FTO: variants seen among roughly 807,000 people sequenced by gnomAD.
FTO encodes the protein alpha-ketoglutarate-dependent dioxygenase FTO.
Under a neutral mutation model 63.9 loss-of-function variants are expected in FTO, and 47 were observed. That is an observed-to-expected ratio of 0.74 (90% CI 0.58 to 0.94). FTO has a LOEUF of 0.94. Among genes scored for constraint, FTO ranks in the 40% least tolerant of loss-of-function variants. The pLI is 0.00. For missense variants in FTO, 562 were observed against 618.1 expected (o/e 0.91, Z 0.96); for synonymous variants, 207 against 224.4 (o/e 0.92, Z 0.69).
chr16:54,054,329 C>T (rs911716486), intron 8 of FTO, among the ~76,000 whole-genome samples: 3 of 152,066 alleles, frequency 2.0e-5, no homozygotes, highest in Admixed American at 6.5e-5. Context: ...ACTGTAGAAA[C>T]GGGGTGGTGC....
intron 1 of FTO, among the ~76,000 whole-genome samples, chr16:53,796,695 G>A (rs1188389948): frequency 6.6e-6 from 1 of 152,174 alleles, no homozygotes; most frequent in Admixed American, 6.5e-5. Flanking sequence ...GAATGATAAT[G>A]AAAAGTCCAT....
At chr16:53,736,127 C>T (rs1032664348) in intron 1 of FTO, among the ~76,000 whole-genome samples, 1 of 152,166 alleles carries the variant, frequency 6.6e-6, no homozygotes, top group Non-Finnish European at 1.5e-5. Flanking sequence ...TCAAACTGCT[C>T]CAGCTAGCAG....
chr16:53,959,971 A>G (rs2083031985), intron 8 of FTO, among the ~76,000 whole-genome samples: 1 of 152,150 alleles, frequency 6.6e-6, no homozygotes, highest in African/African-American at 2.4e-5. Context: ...GCAAGAAGTG[A>G]TGAACCGTAA....
chr16:53,725,865 C>T (rs1165937020), intron 1 of FTO, among the ~76,000 whole-genome samples: 1 of 152,170 alleles, frequency 6.6e-6, no homozygotes, highest in Non-Finnish European at 1.5e-5. Flanking sequence ...CCACTTAAGG[C>T]TCTGTTTCTT....
At chr16:54,057,222 A>G (rs140299973) in intron 8 of FTO, among the ~76,000 whole-genome samples, 1 of 152,358 alleles carries the variant, frequency 6.6e-6, no homozygotes, top group African/African-American at 2.4e-5. Flanking sequence ...TTAGCTGTAG[A>G]CAGTTCCAGC....
intron 8 of FTO, among the ~76,000 whole-genome samples, chr16:54,068,298 C>T (rs2085780419): frequency 6.6e-6 from 1 of 151,746 alleles, no homozygotes; most frequent in African/African-American, 2.4e-5. Flanking sequence ...TAGTGCATTT[C>T]CAGATCTCAA....
At chr16:54,009,572 C>T (rs76172857) in intron 8 of FTO, among the ~76,000 whole-genome samples, 2,108 of 152,126 alleles carry the variant, frequency 0.014, 41 homozygotes, top group African/African-American at 0.048. Flanking sequence ...TTGGGTTTTT[C>T]CAGAGATCAG....
At chr16:53,737,650 C>T (rs966762954) in intron 1 of FTO, among the ~76,000 whole-genome samples, 9 of 152,164 alleles carry the variant, frequency 5.9e-5, no homozygotes, top group African/African-American at 1.9e-4. Flanking sequence ...AAGAAGGATG[C>T]TCCTTGTCAC....
intron 1 of FTO, among the ~76,000 whole-genome samples, chr16:53,704,778 A>G (rs1380580562): frequency 6.6e-6 from 1 of 152,238 alleles, no homozygotes; most frequent in Admixed American, 6.5e-5. Flanking sequence ...AATAATGGCA[A>G]CAGAGATTTT....
intron 1 of FTO, among the ~76,000 whole-genome samples, chr16:53,742,722 A>G (rs1743554347): frequency 6.6e-6 from 1 of 152,224 alleles, no homozygotes; most frequent in Non-Finnish European, 1.5e-5. Context: ...TACATGCAGT[A>G]TCTGAGTTAA....
intron 4 of FTO, among the ~76,000 whole-genome samples, chr16:53,849,933 T>C (rs2079739977): frequency 1.3e-5 from 2 of 152,334 alleles, no homozygotes; most frequent in South Asian, 4.1e-4. Flanking sequence ...GAAAAAGCTT[T>C]TGTTATTTCT....
chr16:53,979,830 C>A (rs1212511145), intron 8 of FTO, among the ~76,000 whole-genome samples: 1 of 152,142 alleles, frequency 6.6e-6, no homozygotes, highest in Non-Finnish European at 1.5e-5. Flanking sequence ...GTCTCCTGGC[C>A]AGCTCTTATG....
intron 7 of FTO, among the ~76,000 whole-genome samples, chr16:53,917,709 A>ACT (rs1555493310): frequency 1.4e-5 from 2 of 143,018 alleles, no homozygotes; most frequent in Non-Finnish European, 3.1e-5. Context: ...AAATTGAGTG[A>ACT]GTGTGTGTGT....
intron 7 of FTO, among the ~76,000 whole-genome samples, chr16:53,927,147 G>A (rs540784034): frequency 6.6e-6 from 1 of 152,302 alleles, no homozygotes; most frequent in African/African-American, 2.4e-5. Flanking sequence ...AGACAGATCA[G>A]TTTGGAGGCC....
At chr16:53,893,825 G>C (rs547479284) in intron 7 of FTO, among the ~76,000 whole-genome samples, 4 of 152,156 alleles carry the variant, frequency 2.6e-5, no homozygotes, top group African/African-American at 4.8e-5. Flanking sequence ...GATCCTGATG[G>C]TTTTGAATGT....
intron 8 of FTO, among the ~76,000 whole-genome samples, chr16:54,058,835 A>T (rs1038240395): frequency 3.9e-5 from 6 of 152,190 alleles, no homozygotes; most frequent in African/African-American, 7.2e-5. Flanking sequence ...AATAAATAAA[A>T]AATCTGCCTT....
chr16:53,875,076 G>C (rs1360532296), intron 5 of FTO, among the ~76,000 whole-genome samples: 3 of 151,844 alleles, frequency 2.0e-5, no homozygotes, highest in Non-Finnish European at 4.4e-5. Flanking sequence ...AACAGAGGAA[G>C]AAAAGAAGGG....
chr16:53,971,749 T>C (rs972028596), intron 8 of FTO, among the ~76,000 whole-genome samples: 3 of 152,246 alleles, frequency 2.0e-5, no homozygotes, highest in Admixed American at 6.5e-5. Context: ...GGCCAGGGCC[T>C]AAGCAGGATC....
chr16:54,109,868 TATC>T (rs2086839749), intron 8 of FTO, among the ~76,000 whole-genome samples: 1 of 152,190 alleles, frequency 6.6e-6, no homozygotes, highest in Non-Finnish European at 1.5e-5. Flanking sequence ...GATCGACACT[TATC>T]ATAGCCCTTT....
Sources: allele counts gnomAD v4.1 joint callset (sites outside exome capture counted in the v4.1 genomes callset), GRCh38; gene constraint gnomAD v4.1.1; transcripts MANE v1.5; gene names NCBI Gene and HGNC (gene_info 2026-07-23, HGNC 2026-07-21).